Variants in ST18 observed in about 807,000 individuals in gnomAD.
The protein encoded by ST18 is ST18 C2H2C-type zinc finger transcription factor.
Under a neutral mutation model 110.0 loss-of-function variants are expected in ST18, and 50 were observed. The ratio of observed to expected loss-of-function variants is 0.45; its 90% CI spans 0.36 to 0.58. The LOEUF (loss-of-function observed/expected upper bound fraction) is 0.58, where lower values mean the gene tolerates loss of function less well. ST18 is among the 20% of genes least tolerant of loss of function. The probability of loss-of-function intolerance (pLI) is 0.00; values close to 1 mark genes in which losing one functional copy is unlikely to be tolerated. For synonymous variants in ST18, 461 were observed against 452.4 expected (o/e 1.02, Z -0.24); for missense variants, 1,306 against 1,280.1 (o/e 1.02, Z -0.31).
intron 2 of ST18, among the ~76,000 whole-genome samples, chr8:52,400,029 G>A (rs1056683167): frequency 4.6e-5 from 7 of 151,936 alleles, no homozygotes; most frequent in African/African-American, 1.7e-4. Flanking sequence ...AGCTATTATT[G>A]TATTGCTATC....
chr8:52,375,036 G>A (rs1294200160), intron 2 of ST18, among the ~76,000 whole-genome samples: 3 of 151,934 alleles, frequency 2.0e-5, no homozygotes, highest in African/African-American at 7.3e-5. Flanking sequence ...CAGACTCCTA[G>A]TCCAAATCAA....
At chr8:52,382,679 C>T (rs749661043) in intron 2 of ST18, among the ~76,000 whole-genome samples, 28 of 151,254 alleles carry the variant, frequency 1.9e-4, no homozygotes, top group Middle Eastern at 6.5e-3. Context: ...GGGAGGAATC[C>T]GAGGAGTACA....
chr8:52,122,306 C>T (rs556859448), intron 23 of ST18, among the ~76,000 whole-genome samples: 3 of 151,786 alleles, frequency 2.0e-5, no homozygotes, highest in Non-Finnish European at 4.4e-5. Flanking sequence ...ATTATATTTT[C>T]TTTGTATTCT....
chr8:52,234,128 G>A (rs1351479732), intron 2 of ST18, among the ~76,000 whole-genome samples: 1 of 152,184 alleles, frequency 6.6e-6, no homozygotes, highest in African/African-American at 2.4e-5. Flanking sequence ...AAAAGCATGT[G>A]CAGGCATTTC....
rs558521432 is a variant in ST18 at position 52,130,503 on chromosome 8, C to T, written c.2666+1455G>A. On this transcript the variant is annotated intron_variant, in intron 22 of 25. Transcript: ENST00000689386. The stretch of plus-strand genomic sequence containing the variant: ...TGTTAGTGGGCACCAAGGTTGTTTC[C>T]AGTCTGGAGTTAGTAGAGCAACACT... Among the ~76,000 whole-genome samples, 4 of 152,310 alleles carry T rather than the reference C, an allele frequency of 2.6e-5. No individual in the cohort carries two copies. The South Asian group carries it at 8.3e-4, about 32-fold the overall frequency.
chr8:52,395,523 G>A (rs1030596585), intron 2 of ST18, among the ~76,000 whole-genome samples: 1 of 152,172 alleles, frequency 6.6e-6, no homozygotes, highest in African/African-American at 2.4e-5. Context: ...GCTGGATTGT[G>A]GCTTAGGTGC....
chr8:52,240,037 A>C (rs1589136914), intron 2 of ST18, among the ~76,000 whole-genome samples: 1 of 152,018 alleles, frequency 6.6e-6, no homozygotes. Context: ...CAAGAGATCC[A>C]CCCACCTCGG....
At position 52,171,852 on chromosome 8, in the gene ST18, C is replaced by T; in HGVS notation, c.1009G>A (p.Gly337Arg). 3.1e-6 allele frequency: 5 copies of T among 1,614,196 alleles called. No homozygotes were observed. Among genetic ancestry groups the T allele is most frequent in the Non-Finnish European group, 4.2e-6 (5 of 1,180,030 alleles). ...LDRFLLEHLA[G>R]ERRQTKVIDM... ...ATAACTTTGGTTTGCCTCCTTTCCCCTGCTAGGTGCTCCAGCAGGAACCTA... is the reference window on the plus strand; with the variant it reads ...ATAACTTTGGTTTGCCTCCTTTCCCTTGCTAGGTGCTCCAGCAGGAACCTA... Residue 337 changes from glycine to arginine, a missense_variant, in exon 10 of 26, where the codon GGG (glycine) becomes AGG (arginine). Transcript: ENST00000689386.
chr8:52,203,854 T>A (rs1409952328), intron 8 of ST18, among the ~76,000 whole-genome samples: 6 of 152,254 alleles, frequency 3.9e-5, no homozygotes, highest in African/African-American at 1.4e-4. Flanking sequence ...CCTTAGCAAT[T>A]TAGTTCCCAA....
intron 2 of ST18, among the ~76,000 whole-genome samples, chr8:52,352,696 T>C (rs900467912): frequency 6.6e-6 from 1 of 152,204 alleles, no homozygotes; most frequent in African/African-American, 2.4e-5. Flanking sequence ...AAGAAGCCAC[T>C]GTCCCCTGCT....
At chr8:52,151,608 C>T (rs574719715) in intron 15 of ST18, among the ~76,000 whole-genome samples, 1 of 152,264 alleles carries the variant, frequency 6.6e-6, no homozygotes, top group South Asian at 2.1e-4. Context: ...ATCAGTGCCA[C>T]GTGTGCTCTC....
At chr8:52,300,395 A>G (rs1315768299) in intron 2 of ST18, among the ~76,000 whole-genome samples, 3 of 152,222 alleles carry the variant, frequency 2.0e-5, no homozygotes, top group East Asian at 1.9e-4. Flanking sequence ...AGATTAAAGG[A>G]TGACTAAATT....
chr8:52,195,310 C>T (rs1169908972), intron 8 of ST18, among the ~76,000 whole-genome samples: 1 of 152,062 alleles, frequency 6.6e-6, no homozygotes, highest in Admixed American at 6.6e-5. Context: ...TTTTTGTTTG[C>T]TAGTAAATTT....
At chr8:52,201,549 G>A (rs1177523998) in intron 8 of ST18, among the ~76,000 whole-genome samples, 1 of 152,200 alleles carries the variant, frequency 6.6e-6, no homozygotes, top group Non-Finnish European at 1.5e-5. Context: ...TCCCAGGTGA[G>A]CCTCCCGGAG....
intron 2 of ST18, among the ~76,000 whole-genome samples, chr8:52,395,398 T>C (rs557115723): frequency 1.3e-5 from 2 of 152,352 alleles, no homozygotes; most frequent in South Asian, 4.1e-4. Context: ...ACTTGCCAGC[T>C]GAACAGGGTA....
intron 2 of ST18, among the ~76,000 whole-genome samples, chr8:52,306,256 G>A (rs191918792): frequency 6.6e-6 from 1 of 152,298 alleles, no homozygotes; most frequent in Admixed American, 6.5e-5. Context: ...ACCCTGAGCT[G>A]AGGATCCTCC....
intron 2 of ST18, among the ~76,000 whole-genome samples, chr8:52,329,984 G>T (rs1464019218): frequency 1.3e-5 from 2 of 152,054 alleles, no homozygotes; most frequent in African/African-American, 4.8e-5. Flanking sequence ...GGCTCCAAGG[G>T]CCCTTTGTCT....
chr8:52,402,877 G>A (rs1347554258), intron 2 of ST18, among the ~76,000 whole-genome samples: 3 of 152,198 alleles, frequency 2.0e-5, no homozygotes, highest in African/African-American at 7.2e-5. Context: ...TTCTCTGGGG[G>A]CCAGTATACC....
intron 8 of ST18, among the ~76,000 whole-genome samples, chr8:52,185,865 C>G (rs922624706): frequency 6.6e-6 from 1 of 152,094 alleles, no homozygotes; most frequent in East Asian, 1.9e-4. Flanking sequence ...TCTTCACGAC[C>G]TTGGGGTAGG....
Sources: allele counts gnomAD v4.1 joint callset (sites outside exome capture counted in the v4.1 genomes callset), GRCh38; gene constraint gnomAD v4.1.1; transcripts MANE v1.5; gene names NCBI Gene and HGNC (gene_info 2026-07-23, HGNC 2026-07-21).